EPB41L2: variants seen among roughly 807,000 people sequenced by gnomAD.
EPB41L2 encodes the protein band 4.1-like protein 2.
EPB41L2 carries 43 observed loss-of-function variants against 113.0 expected under a neutral mutation model. The observed-to-expected ratio is 0.38, with a 90% CI of 0.30 to 0.49. EPB41L2 has a LOEUF of 0.49. EPB41L2 is among the 20% of genes least tolerant of loss of function. The pLI is 0.95. For synonymous variants in EPB41L2, 442 were observed against 436.7 expected (o/e 1.01, Z -0.15); for missense variants, 1,147 against 1,223.4 (o/e 0.94, Z 0.93).
intron 1 of EPB41L2, among the ~76,000 whole-genome samples, chr6:130,976,997 G>T (rs1046173316): frequency 1.3e-5 from 2 of 152,018 alleles, no homozygotes; most frequent in Non-Finnish European, 2.9e-5. Context: ...GTACAAGAAG[G>T]GCACAAAGGA....
rs1429012801 is a variant in EPB41L2 at position 130,867,458 on chromosome 6, C to T, written c.2730+1G>A. The T allele has an allele frequency of 1.2e-6, 2 of 1,613,720 alleles. No homozygotes were observed. The highest frequency in any genetic ancestry group is 1.7e-6 in the Non-Finnish European group (2 of 1,179,838). On this transcript the variant is annotated splice_donor_variant, in intron 16 of 19. Coordinates refer to ENST00000337057, the MANE Select transcript of EPB41L2 (RefSeq NM_001431.4). LOFTEE classifies it high-confidence loss of function. ...ACAGTCCAAGTCTAGAGCTTTTGTA[C>T]CTGTGGAGACTCATATGTGATGGTT... is the stretch of plus-strand genomic sequence containing the variant.
intron 12 of EPB41L2, chr6:130,882,127 T>G (rs1329619544): frequency 6.6e-6 from 1 of 152,210 alleles, no homozygotes; most frequent in Non-Finnish European, 1.5e-5. Context: ...AACAAAAAGA[T>G]GTCATCCTAA....
chr6:130,863,492 CTG>C (rs1204841554), intron 18 of EPB41L2, 144 bp downstream of exon 18: 4 of 574,374 alleles, frequency 7.0e-6, no homozygotes, highest in Admixed American at 3.3e-5. Context: ...TGTATCCAGG[CTG>C]TGTCTTTATG....
Position 130,890,195 on chromosome 6 carries a change from G to A in EPB41L2, c.1660+99C>T, listed in dbSNP as rs200345303. On this transcript the variant is annotated intron_variant, in intron 11 of 19. Coordinates refer to ENST00000337057, the MANE Select transcript of EPB41L2 (RefSeq NM_001431.4). Reference sequence around the variant, plus strand: ...TCGGGAAAAAATGGCTATCCCTGTAGGGTATTTCTGGTGGCTTTATTAACT... The same window carrying A: ...TCGGGAAAAAATGGCTATCCCTGTAAGGTATTTCTGGTGGCTTTATTAACT... The A allele has an allele frequency of 7.8e-6, 10 of 1,274,534 alleles. No individual in the cohort carries two copies. In the East Asian group the frequency reaches 2.4e-4, roughly 31 times the overall value. The allele number at this position is 1,274,534 out of a possible 1,614,324, so 79.0% of individuals were successfully genotyped here.
chr6:130,923,733 ATC>A (rs146447848), intron 4 of EPB41L2, among the ~76,000 whole-genome samples: 1,565 of 152,336 alleles, frequency 0.01, 36 homozygotes, highest in African/African-American at 0.036. Context: ...AAGCAGGGGC[ATC>A]TCTGAGGGCA....
chr6:130,864,869 C>A (rs1269616630), intron 17 of EPB41L2, among the ~76,000 whole-genome samples: 2 of 152,140 alleles, frequency 1.3e-5, no homozygotes, highest in Non-Finnish European at 2.9e-5. Context: ...AAGTAAAAAA[C>A]AGAAGAAGGA....
At chr6:130,866,978 G>A (rs979852086) in intron 16 of EPB41L2, among the ~76,000 whole-genome samples, 5 of 151,948 alleles carry the variant, frequency 3.3e-5, no homozygotes, top group Non-Finnish European at 7.4e-5. Flanking sequence ...GTGTGTTTGT[G>A]TGTGTGTGTG....
chr6:130,901,748 A>T (rs368414042), intron 6 of EPB41L2, among the ~76,000 whole-genome samples: 7 of 152,132 alleles, frequency 4.6e-5, no homozygotes, highest in African/African-American at 1.7e-4. Context: ...GGAAGACCTG[A>T]CTCTATATGA....
At chr6:130,845,394 T>C (rs80066513) in intron 19 of EPB41L2, among the ~76,000 whole-genome samples, 4 of 142,100 alleles carry the variant, frequency 2.8e-5, no homozygotes, top group Non-Finnish European at 3.1e-5. Flanking sequence ...CTTTTTTTTT[T>C]AGAGGCAGGG....
At chr6:130,891,723 C>T (rs1345881751) in intron 10 of EPB41L2, among the ~76,000 whole-genome samples, 10 of 152,174 alleles carry the variant, frequency 6.6e-5, no homozygotes, top group Non-Finnish European at 1.5e-4. Flanking sequence ...GCTGGGATTA[C>T]AGGCATGAGC....
intron 1 of EPB41L2, among the ~76,000 whole-genome samples, chr6:131,019,093 T>G (rs1788889280): frequency 6.6e-6 from 1 of 152,218 alleles, no homozygotes; most frequent in Non-Finnish European, 1.5e-5. Flanking sequence ...ATTACCCATT[T>G]ATTTGGGGAA....
intron 1 of EPB41L2, among the ~76,000 whole-genome samples, chr6:131,024,155 T>A (rs985557659): frequency 6.6e-6 from 1 of 151,970 alleles, no homozygotes; most frequent in Non-Finnish European, 1.5e-5. Context: ...CTCAGCAGAA[T>A]GAACACTTTT....
At chr6:130,963,386 T>C (rs939747139) in intron 1 of EPB41L2, among the ~76,000 whole-genome samples, 7 of 152,218 alleles carry the variant, frequency 4.6e-5, no homozygotes, top group African/African-American at 1.7e-4. Flanking sequence ...TTCCAAATGA[T>C]GTTCAATTTT....
At chr6:130,968,277 T>C (rs900049361) in intron 1 of EPB41L2, among the ~76,000 whole-genome samples, 2 of 152,118 alleles carry the variant, frequency 1.3e-5, no homozygotes, top group Non-Finnish European at 2.9e-5. Context: ...AGACAAAAGC[T>C]TGTCAAAGTC....
At chr6:131,043,557 TCAA>T (rs1018677089) in intron 1 of EPB41L2, among the ~76,000 whole-genome samples, 1 of 151,986 alleles carries the variant, frequency 6.6e-6, no homozygotes, top group African/African-American at 2.4e-5. Flanking sequence ...CCCAATTTCT[TCAA>T]CAACAACAAA....
intron 1 of EPB41L2, among the ~76,000 whole-genome samples, chr6:131,061,193 T>G (rs1299446336): frequency 4.6e-5 from 7 of 152,180 alleles, no homozygotes; most frequent in African/African-American, 1.4e-4. Context: ...CCCTTCCCGT[T>G]ACTCTAAATG....
intron 15 of EPB41L2, chr6:130,868,272 G>A (rs1784550095): frequency 6.6e-6 from 1 of 152,222 alleles, no homozygotes; most frequent in African/African-American, 2.4e-5. Context: ...TCTAAAATTT[G>A]CAGTGTTTCT....
chr6:130,860,454 C>G (rs1225758376), intron 18 of EPB41L2, among the ~76,000 whole-genome samples: 1 of 152,240 alleles, frequency 6.6e-6, no homozygotes, highest in Non-Finnish European at 1.5e-5. Flanking sequence ...AAATTAAATA[C>G]TGTAAAATGT....
At chr6:130,948,913 ATTATCAAATCAACAATTACAAGGAAAGGT>A (rs1189151233) in intron 3 of EPB41L2, among the ~76,000 whole-genome samples, 1 of 152,214 alleles carries the variant, frequency 6.6e-6, no homozygotes, top group East Asian at 1.9e-4. Context: ...ACCAAGAGAA[ATTATCAAATCAACAATTACAAGGAAAGGT>A]TTGAACACAC....
Sources: allele counts gnomAD v4.1 joint callset (sites outside exome capture counted in the v4.1 genomes callset), GRCh38; gene constraint gnomAD v4.1.1; transcripts MANE v1.5; gene names NCBI Gene and HGNC (gene_info 2026-07-23, HGNC 2026-07-21).